The following MMUT variants were observed in gnomAD, a reference collection of about 807,000 sequenced individuals.
MMUT encodes methylmalonyl-CoA mutase.
A neutral mutation model predicts 79.9 loss-of-function variants in MMUT; 79 were observed. The observed-to-expected ratio is 0.99, with a 90% CI of 0.82 to 1.19. The LOEUF is 1.19. Among genes scored for constraint, MMUT ranks in the 50% most tolerant of loss-of-function variants. The pLI, the probability that MMUT is intolerant of heterozygous loss-of-function variation, is 0.00. For synonymous variants in MMUT, 273 were observed against 295.7 expected, an observed-to-expected ratio of 0.92 and a Z score of 0.79; for missense variants, 860 against 917.2, an observed-to-expected ratio of 0.94 and a Z score of 0.81.
chr6:49,443,258 T>C (rs941755584), intron 9 of MMUT, among the ~76,000 whole-genome samples: 4 of 152,232 alleles, frequency 2.6e-5, no homozygotes, highest in Admixed American at 2.6e-4. Context: ...AAGAGTAGGT[T>C]TGCTTTCTGT....
intron 1 of MMUT, 45 bp from the exon 2 acceptor site, chr6:49,459,550 G>A: frequency 7.2e-7 from 1 of 1,397,472 alleles, no homozygotes; most frequent in Middle Eastern, 2.5e-4. Flanking sequence ...AGAGGGGGTG[G>A]GAAATAGGAG....
chr6:49,436,441 C>G (rs1239481988), intron 11 of MMUT, among the ~76,000 whole-genome samples: 3 of 151,764 alleles, frequency 2.0e-5, no homozygotes, highest in Non-Finnish European at 4.4e-5. Flanking sequence ...CCCATCTCTA[C>G]TAAAAATACA....
At chr6:49,457,597 C>T (rs1272366328) in intron 3 of MMUT, 94 bp downstream of exon 3, 1 of 1,083,082 alleles carries the variant, frequency 9.2e-7, no homozygotes, top group Non-Finnish European at 1.3e-6. Flanking sequence ...ATTTATATTA[C>T]TCAGACTAAA....
rs111989989 is a variant in MMUT, at chr6:49,441,399, T to C, written c.1808+441A>G. The stretch of plus-strand genomic sequence containing the variant: ...CTTCAAAAAATATGAAACTCTACCA[T>C]AGTAAGCAGATTGAAATATAAATAC... On this transcript the variant is annotated intron_variant, in intron 10 of 12. Coordinates refer to ENST00000274813, the MANE Select transcript of MMUT (RefSeq NM_000255.4). 6.3e-3 allele frequency among the ~76,000 whole-genome samples: 953 copies of C among 151,976 alleles called. 5 individuals carry two copies. Among genetic ancestry groups the C allele is most frequent in the African/African-American group, 0.021 (852 of 41,510 alleles).
In MMUT at chr6:49,451,629, A is replaced by G; in HGVS notation, c.1169T>C (p.Phe390Ser). Residue 390 changes from phenylalanine to serine, a missense_variant, in exon 6 of 13, where the codon TTT becomes TCT. Phe to Ser is a radical substitution (Grantham distance 155). Coordinates refer to ENST00000274813, the MANE Select transcript of MMUT (RefSeq NM_000255.4). ...GGTQSLHTNS[F>S]DEALGLPTVK... The stretch of plus-strand genomic sequence containing the variant: ...AGTTGGCAAACCCAAAGCTTCATCA[A>G]AAGAATTTGTGTGCAAAGACTGAGT... 1 of 1,614,158 alleles carries G rather than the reference A, an allele frequency of 6.2e-7. No individual in the cohort carries two copies. The highest frequency in any genetic ancestry group is 1.1e-5 in the South Asian group (1 of 91,086).
intron 2 of MMUT, among the ~76,000 whole-genome samples, chr6:49,458,463 G>C (rs1164409158): frequency 2.6e-5 from 4 of 152,088 alleles, no homozygotes; most frequent in Admixed American, 6.5e-5. Context: ...ATCTAATATG[G>C]TCACAAAGGA....
intron 7 of MMUT, among the ~76,000 whole-genome samples, chr6:49,448,034 C>T (rs1457743305): frequency 2.6e-5 from 4 of 151,942 alleles, no homozygotes; most frequent in Admixed American, 6.6e-5. Context: ...CACTTTCCCA[C>T]GGTTTCTAAT....
Position 49,458,066 on chromosome 6 carries a change from T to A in MMUT, c.386-8A>T. 1 of 1,599,280 alleles carries A rather than the reference T, an allele frequency of 6.3e-7. No homozygotes were observed. Among genetic ancestry groups the A allele is most frequent in the South Asian group, 1.1e-5 (1 of 90,966 alleles). ...ATAATCCCTGCTGACCAGCTAAATA[T>A]ATAAAGAAAAATAATGTAAGATTCA... On this transcript the variant is annotated splice_region_variant and splice_polypyrimidine_tract_variant and intron_variant, in intron 2 of 12. Coordinates refer to ENST00000274813, the MANE Select transcript of MMUT (RefSeq NM_000255.4).
At chr6:49,434,134 G>C (rs1011864951) in intron 12 of MMUT, among the ~76,000 whole-genome samples, 4 of 151,730 alleles carry the variant, frequency 2.6e-5, no homozygotes, top group Non-Finnish European at 5.9e-5. Flanking sequence ...ATCATGCCTA[G>C]GTATCACAGA....
intron 9 of MMUT, 26 bp from the exon 10 acceptor site, chr6:49,441,997 T>C: frequency 6.3e-7 from 1 of 1,594,690 alleles, no homozygotes; most frequent in South Asian, 1.1e-5. Flanking sequence ...GTGGTTCCAT[T>C]AACTTCATTA....
intron 6 of MMUT, among the ~76,000 whole-genome samples, chr6:49,450,349 T>C (rs1191848040): frequency 6.6e-6 from 1 of 151,614 alleles, no homozygotes; most frequent in East Asian, 1.9e-4. Context: ...AGAAAAATAC[T>C]GTCAAAGAAA....
chr6:49,445,015 C>A (rs192754166), intron 8 of MMUT, among the ~76,000 whole-genome samples: 1 of 151,178 alleles, frequency 6.6e-6, no homozygotes, highest in East Asian at 1.9e-4. Context: ...AATAATAGTG[C>A]TGACCTTCCC....
rs142305838 is a variant in MMUT, at chr6:49,450,902, G to A, written c.1332+564C>T. Among the ~76,000 whole-genome samples, 1,036 of 152,182 alleles carry A rather than the reference G, an allele frequency of 6.8e-3. 12 individuals are homozygous for A. Among genetic ancestry groups the A allele is most frequent in the African/African-American group, 0.022 (913 of 41,538 alleles). ...CAGAAATAGAGAAAAAACAATTTAA[G>A]TCAAATGAGAACATTAGAAGAATTC... On this transcript the variant is annotated intron_variant, in intron 6 of 12. Transcript: ENST00000274813.
At chr6:49,443,417 T>G (rs1367491858) in intron 9 of MMUT, among the ~76,000 whole-genome samples, 2 of 152,114 alleles carry the variant, frequency 1.3e-5, no homozygotes, top group African/African-American at 4.8e-5. Flanking sequence ...CCTTTTCACA[T>G]CACTCACATC....
At chr6:49,434,869 C>T (rs994704624) in intron 12 of MMUT, among the ~76,000 whole-genome samples, 2 of 152,036 alleles carry the variant, frequency 1.3e-5, no homozygotes, top group African/African-American at 2.4e-5. Flanking sequence ...TTTTGGCTCC[C>T]GAAATACCAA....
At chr6:49,455,102 T>C (rs1767653381) in intron 4 of MMUT, among the ~76,000 whole-genome samples, 1 of 152,032 alleles carries the variant, frequency 6.6e-6, no homozygotes, top group African/African-American at 2.4e-5. Context: ...TAGTAACATT[T>C]CTTATGAAAA....
intron 11 of MMUT, 85 bp from the exon 12 acceptor site, chr6:49,435,708 C>A: frequency 7.2e-7 from 1 of 1,380,082 alleles, no homozygotes; most frequent in Non-Finnish European, 9.9e-7. Context: ...TAGGCAATAC[C>A]ATTCAGAACA....
At chr6:49,457,346 A>G (rs1767714500) in intron 3 of MMUT, among the ~76,000 whole-genome samples, 1 of 152,202 alleles carries the variant, frequency 6.6e-6, no homozygotes, top group Non-Finnish European at 1.5e-5. Context: ...AGCAGAAATA[A>G]AGCTGATATT....
intron 5 of MMUT, 52 bp downstream of exon 5, chr6:49,453,533 A>AATAT: frequency 9.8e-7 from 1 of 1,024,956 alleles, no homozygotes; most frequent in Non-Finnish European, 1.3e-6. Context: ...GCTCAGAAAA[A>AATAT]ATATATATAT....
Sources: allele counts gnomAD v4.1 joint callset (sites outside exome capture counted in the v4.1 genomes callset), GRCh38; gene constraint gnomAD v4.1.1; transcripts MANE v1.5; gene names NCBI Gene and HGNC (gene_info 2026-07-23, HGNC 2026-07-21).